The following SLC3A1 variants were observed in gnomAD, a reference collection of about 807,000 sequenced individuals.
SLC3A1 encodes the protein solute carrier family 3 member 1.
A neutral mutation model predicts 60.3 loss-of-function variants in SLC3A1; 78 were observed. The ratio of observed to expected loss-of-function variants is 1.29; its 90% CI spans 1.08 to 1.56. SLC3A1 has a LOEUF of 1.56. SLC3A1 is among the 40% of genes most tolerant of loss of function. The probability of loss-of-function intolerance (pLI) is 0.00; values close to 1 mark genes in which losing one functional copy is unlikely to be tolerated. For missense variants in SLC3A1, 1,172 were observed against 858.9 expected (o/e 1.36, Z -4.56); for synonymous variants, 392 against 307.9 (o/e 1.27, Z -2.86).
At chr2:44,290,028 T>C (rs1215305656) in intron 4 of SLC3A1, among the ~76,000 whole-genome samples, 1 of 152,170 alleles carries the variant, frequency 6.6e-6, no homozygotes, top group Non-Finnish European at 1.5e-5. Context: ...TCCTATGTTT[T>C]CTTCTCAGTT....
At chr2:44,312,872 C>T (rs1672334699) in intron 8 of SLC3A1, 119 bp downstream of exon 8, 3 of 803,516 alleles carry the variant, frequency 3.7e-6, no homozygotes, top group Non-Finnish European at 6.2e-6. Flanking sequence ...ATCATGGTTA[C>T]TTTGCTTTTC....
intron 5 of SLC3A1, 133 bp downstream of exon 5, chr2:44,300,223 CT>C: frequency 1.1e-6 from 1 of 920,404 alleles, no homozygotes; most frequent in Non-Finnish European, 1.7e-6. Context: ...TGATTTATTT[CT>C]TTAGGAAATG....
At chr2:44,297,210 G>A (rs945299742) in intron 4 of SLC3A1, among the ~76,000 whole-genome samples, 1 of 152,186 alleles carries the variant, frequency 6.6e-6, no homozygotes, top group African/African-American at 2.4e-5. Context: ...CTTCCATACA[G>A]CAAGGGATGA....
rs1408492313 is a variant in SLC3A1 at position 44,300,023 on chromosome 2, C to T, written c.944C>T (p.Ala315Val). ...TKGVDGFSLD[A>V]VKFLLEAKHL... ...GGTGTTGATGGTTTTAGTTTGGATG[C>T]TGTTAAATTCCTCCTAGAAGCAAAG... Residue 315 changes from alanine (A) to valine (V), a missense_variant, in exon 5 of 10, where the codon GCT becomes GTT. Coordinates refer to ENST00000260649, the MANE Select transcript of SLC3A1 (RefSeq NM_000341.4). The T allele has an allele frequency of 6.2e-7, 1 of 1,613,534 alleles. No homozygotes were observed. The highest frequency in any genetic ancestry group is 8.5e-7 in the Non-Finnish European group (1 of 1,179,498).
chr2:44,300,510 G>A (rs1671976228), intron 5 of SLC3A1, among the ~76,000 whole-genome samples: 2 of 152,092 alleles, frequency 1.3e-5, no homozygotes, highest in African/African-American at 4.8e-5. Flanking sequence ...ATGAGACACT[G>A]ACATAGAAAT....
rs886056072 is a variant in SLC3A1, at chr2:44,320,323, T to G, written c.1742T>G (p.Val581Gly). The change falls in exon 10 of 10, where the codon GTG (valine) becomes GGG (glycine). Residue 581 changes from valine (V) to glycine (G), a missense_variant. Val to Gly is a moderately radical substitution (Grantham distance 109, BLOSUM62 -3). Coordinates refer to ENST00000260649, the MANE Select transcript of SLC3A1 (RefSeq NM_000341.4). ...TTGAGGAATGACAGCCACTATGTTG[T>G]GTACACAAGAGAGCTGGATGGCATC... ...CHLRNDSHYV[V>G]YTRELDGIDR... 18 of 1,614,042 alleles carry G rather than the reference T, an allele frequency of 1.1e-5. No homozygotes were observed. In the East Asian group the frequency reaches 4.0e-4, roughly 36 times the overall value.
intron 5 of SLC3A1, 88 bp from the exon 6 acceptor site, chr2:44,300,915 T>C (rs1036058615): frequency 2.6e-6 from 4 of 1,535,094 alleles, no homozygotes; most frequent in Non-Finnish European, 3.6e-6. Context: ...CTTGAGCCCT[T>C]TGAAGAGGTT....
intron 3 of SLC3A1, among the ~76,000 whole-genome samples, chr2:44,283,711 G>A (rs1671549724): frequency 6.6e-6 from 1 of 152,080 alleles, no homozygotes; most frequent in Non-Finnish European, 1.5e-5. Flanking sequence ...TAATGTAATA[G>A]TTAATATGTT....
At chr2:44,317,339 G>T (rs7585725) in intron 9 of SLC3A1, among the ~76,000 whole-genome samples, 3,181 of 151,976 alleles carry the variant, frequency 0.021, 119 homozygotes, top group African/African-American at 0.072. Context: ...GCACACACCT[G>T]TAGTCCCAAC....
In SLC3A1 at chr2:44,313,941, T is replaced by G. The variant is rs1250802650; in HGVS notation, c.1607T>G (p.Val536Gly). The G allele has an allele frequency of 8.1e-6, 13 of 1,614,086 alleles. No individual in the cohort carries two copies. Among genetic ancestry groups the G allele is most frequent in the Non-Finnish European group, 1.1e-5 (13 of 1,179,976 alleles). The change falls in exon 9 of 10, where the codon GTG becomes GGG. Residue 536 changes from valine to glycine, a missense_variant. Val to Gly is a moderately radical substitution (Grantham distance 109). Coordinates refer to ENST00000260649, the MANE Select transcript of SLC3A1 (RefSeq NM_000341.4). Reference sequence around the variant, plus strand: ...CCTACCAATTCAGATTACCACACTGTGAATGTTGATGTAAGTATCAGTGAA... The same window carrying G: ...CCTACCAATTCAGATTACCACACTGGGAATGTTGATGTAAGTATCAGTGAA... ...WLPTNSDYHT[V>G]NVDVQKTQPR...
Position 44,321,415 on chromosome 2 carries a change from C to A in SLC3A1, c.*776C>A. The A allele has an allele frequency of 6.2e-7, 1 of 1,612,960 alleles. No individual in the cohort carries two copies. Among genetic ancestry groups the A allele is most frequent in the South Asian group, 1.1e-5 (1 of 90,992 alleles). On this transcript the variant is annotated 3_prime_UTR_variant, in exon 10 of 10. Coordinates refer to ENST00000260649, the MANE Select transcript of SLC3A1 (RefSeq NM_000341.4). ...ACACTGGTGCTGTCAAGTCCAAGTT[C>A]CTCGTACAGGAATTTAATTTGGGCT...
rs1270931874 is a variant in SLC3A1, at chr2:44,281,490, C to G, written c.714C>G (p.Ile238Met). The change falls in exon 3 of 10, where the codon ATC becomes ATG. Residue 238 changes from isoleucine to methionine, a missense_variant. Coordinates refer to ENST00000260649, the MANE Select transcript of SLC3A1 (RefSeq NM_000341.4). Reference sequence around the variant, plus strand: ...CAGGAAAATATACTGATTATTATATCTGGCATGACTGTACCCATGAAAATG... The same window carrying G: ...CAGGAAAATATACTGATTATTATATGTGGCATGACTGTACCCATGAAAATG... ...TRTGKYTDYY[I>M]WHDCTHENGK... 1.2e-6 allele frequency: 2 copies of G among 1,613,776 alleles called. No individual in the cohort carries two copies. The highest frequency in any genetic ancestry group is 2.7e-5 in the African/African-American group (2 of 74,928).
Position 44,281,475 on chromosome 2 carries a change from T to G in SLC3A1, c.699T>G (p.Tyr233Ter), listed in dbSNP as rs1454026785. Reference sequence around the variant, plus strand: ...TGAGTCGGACACGGACAGGAAAATATACTGATTATTATATCTGGCATGACT... The same window carrying G: ...TGAGTCGGACACGGACAGGAAAATAGACTGATTATTATATCTGGCATGACT... ...FQLSRTRTGK[Y>*]TDYYIWHDCT... is the part of the protein sequence containing the mutation. The change falls in exon 3 of 10, where the codon TAT becomes TAG. Residue 233 changes from tyrosine to a stop codon, truncating the protein, a stop_gained. Transcript: ENST00000260649. LOFTEE classifies it high-confidence loss of function. 1 of 1,613,848 alleles carries G rather than the reference T, an allele frequency of 6.2e-7. No individual in the cohort carries two copies. Among genetic ancestry groups the G allele is most frequent in the Non-Finnish European group, 8.5e-7 (1 of 1,179,742 alleles).
chr2:44,284,432 AT>A (rs1671568015), intron 3 of SLC3A1, among the ~76,000 whole-genome samples: 1 of 152,206 alleles, frequency 6.6e-6, no homozygotes, highest in African/African-American at 2.4e-5. Context: ...AGGATATCGC[AT>A]GCTCAGCTCT....
chr2:44,308,773 C>T (rs1558466979), intron 7 of SLC3A1, among the ~76,000 whole-genome samples: 1 of 151,422 alleles, frequency 6.6e-6, no homozygotes, highest in Admixed American at 6.6e-5. Flanking sequence ...TGCTCTGTTG[C>T]CCAGGCTGGA....
chr2:44,321,992 C>T (rs1283609303), downstream of SLC3A1: 52 of 1,298,910 alleles, frequency 4.0e-5, no homozygotes, highest in Non-Finnish European at 4.9e-5. Flanking sequence ...TTTGAGTACT[C>T]AGTTCAAATA....
chr2:44,290,394 A>G (rs779167372), intron 4 of SLC3A1, among the ~76,000 whole-genome samples: 40 of 152,174 alleles, frequency 2.6e-4, no homozygotes, highest in African/African-American at 9.4e-4. Flanking sequence ...CTTTTTCAGT[A>G]TTGTTTCACT....
At chr2:44,318,912 A>G (rs1032094612) in intron 9 of SLC3A1, 1 of 152,206 alleles carries the variant, frequency 6.6e-6, no homozygotes, top group African/African-American at 2.4e-5. Flanking sequence ...AAAATACTCA[A>G]ATGCAAAATC....
chr2:44,284,475 G>T (rs1168783178), intron 3 of SLC3A1, among the ~76,000 whole-genome samples: 1 of 152,070 alleles, frequency 6.6e-6, no homozygotes. Context: ...TATCAAAATG[G>T]TTGTACCAAT....
Sources: gnomAD v4.1 joint callset for allele counts (sites outside exome capture counted in the v4.1 genomes callset) on GRCh38, gnomAD v4.1.1 for gene constraint, MANE v1.5 for transcripts, NCBI Gene and HGNC (gene_info 2026-07-23, HGNC 2026-07-21) for gene names.